The following ZNF655 variants were observed in gnomAD, a reference collection of about 807,000 sequenced individuals.
ZNF655 encodes zinc finger protein 655.
In ZNF655, 3 loss-of-function variants were observed where a neutral mutation model predicts 6.6. The observed-to-expected ratio is 0.46, with a 90% CI of 0.21 to 1.18. ZNF655 has a LOEUF of 1.18. Among genes scored for constraint, ZNF655 ranks in the 50% most tolerant of loss-of-function variants. The pLI is 0.24. For synonymous variants in ZNF655, 178 were observed against 195.0 expected (o/e 0.91, Z 0.73); for missense variants, 526 against 572.3 (o/e 0.92, Z 0.83).
chr7:99,567,255 C>G (rs530029841), intron 2 of ZNF655, among the ~76,000 whole-genome samples: 1 of 152,278 alleles, frequency 6.6e-6, no homozygotes, highest in Non-Finnish European at 1.5e-5. Flanking sequence ...TAGAGTCGGC[C>G]AGGTGCTGTG....
rs750314889 is a variant in ZNF655, at chr7:99,573,607, T to C, written c.*23T>C. ...TGAATGTAATGAAGATGGGAAGATATTTATCAAATTCAGGCTTCATTCAGC... is the reference window on the plus strand; with the variant it reads ...TGAATGTAATGAAGATGGGAAGATACTTATCAAATTCAGGCTTCATTCAGC... On this transcript the variant is annotated 3_prime_UTR_variant, in exon 3 of 3. Transcript: ENST00000252713. The C allele has an allele frequency of 1.5e-5, 23 of 1,581,232 alleles. No homozygotes were observed. The highest frequency in any genetic ancestry group is 1.0e-4 in the Admixed American group (6 of 57,788).
intron 2 of ZNF655, chr7:99,564,761 C>G: frequency 2.1e-6 from 2 of 964,810 alleles, no homozygotes; most frequent in Non-Finnish European, 2.5e-6. Flanking sequence ...AGTCTAATAG[C>G]ATAGTATGCT....
chr7:99,571,552 C>T, intron 2 of ZNF655: 2 of 985,924 alleles, frequency 2.0e-6, no homozygotes, highest in Non-Finnish European at 2.9e-6. Context: ...TTGCCCTCTT[C>T]ACTCTCCAGA....
At chr7:99,561,807 C>A in intron 2 of ZNF655, 1 of 838,236 alleles carries the variant, frequency 1.2e-6, no homozygotes, top group South Asian at 2.8e-5. Context: ...TGCTGACACC[C>A]CTTGGGCTGG....
intron 2 of ZNF655, among the ~76,000 whole-genome samples, chr7:99,564,879 A>G (rs1273196774): frequency 6.6e-6 from 1 of 152,220 alleles, no homozygotes; most frequent in Non-Finnish European, 1.5e-5. Context: ...GCACAGTGCA[A>G]GAAAGCCTTC....
chr7:99,567,060 C>T (rs1204433270), intron 2 of ZNF655, among the ~76,000 whole-genome samples: 1 of 152,216 alleles, frequency 6.6e-6, no homozygotes, highest in Admixed American at 6.5e-5. Flanking sequence ...GCTGGGACTA[C>T]AGGCATGCAC....
rs1804175362 is a variant in ZNF655 at position 99,572,685 on chromosome 7, T to C, written c.577T>C (p.Leu193=). 1 of 1,613,484 alleles carries C rather than the reference T, an allele frequency of 6.2e-7. No individual in the cohort carries two copies. Among genetic ancestry groups the C allele is most frequent in the Admixed American group, 1.7e-5 (1 of 59,990 alleles). ...TCAGAGTAGTGAATGTAAGGAAAGC[T>C]TAATGGATCTCTCCCACCTTAATAA... is the stretch of plus-strand genomic sequence containing the variant. The part of the protein sequence containing the change: ...DFQSSECKES[L]MDLSHLNKWE... Residue 193 remains leucine (L), a synonymous_variant, in exon 3 of 3, where the codon TTA becomes CTA. Coordinates refer to ENST00000252713, the MANE Select transcript of ZNF655 (RefSeq NM_138494.3).
At chr7:99,570,381 G>A (rs1803950539) in intron 2 of ZNF655, 1 of 152,164 alleles carries the variant, frequency 6.6e-6, no homozygotes, top group Admixed American at 6.5e-5. Flanking sequence ...CAGGATTTCA[G>A]AAACACAGTA....
chr7:99,563,091 C>T (rs574014807), intron 2 of ZNF655: 83 of 403,624 alleles, frequency 2.1e-4, no homozygotes, highest in African/African-American at 1.5e-3. Context: ...GGTAATCCCA[C>T]GTAACCACAC....
At chr7:99,562,034 C>T (rs1803225469) in intron 2 of ZNF655, 2 of 1,381,572 alleles carry the variant, frequency 1.4e-6, no homozygotes, top group Non-Finnish European at 9.7e-7. Context: ...AGTGTGGCCT[C>T]TCTCTCATCC....
At chr7:99,559,208 C>G (rs1156711817) in intron 1 of ZNF655, among the ~76,000 whole-genome samples, 1 of 152,170 alleles carries the variant, frequency 6.6e-6, no homozygotes, top group East Asian at 1.9e-4. Flanking sequence ...CAAACCTGTT[C>G]GAACCGCAGC....
intron 2 of ZNF655, chr7:99,571,211 AT>A (rs1804044115): frequency 1.6e-6 from 2 of 1,283,174 alleles, no homozygotes; most frequent in Non-Finnish European, 2.0e-6. Flanking sequence ...GTTTCTTGAG[AT>A]TGGTCCTTAG....
chr7:99,570,034 A>AT (rs936257690), intron 2 of ZNF655, among the ~76,000 whole-genome samples: 3 of 152,060 alleles, frequency 2.0e-5, no homozygotes, highest in African/African-American at 7.2e-5. Flanking sequence ...TCTGCTGGGC[A>AT]TTTTCTCTTA....
chr7:99,568,024 A>C (rs892982232), intron 2 of ZNF655, among the ~76,000 whole-genome samples: 2 of 140,090 alleles, frequency 1.4e-5, no homozygotes, highest in Non-Finnish European at 3.0e-5. Context: ...ATGCCATTGC[A>C]CTCCAGCCTG....
intron 2 of ZNF655, among the ~76,000 whole-genome samples, chr7:99,568,411 C>T (rs557344925): frequency 2.0e-4 from 31 of 151,570 alleles, no homozygotes; most frequent in Non-Finnish European, 3.1e-4. Context: ...CCATCACGCC[C>T]GGCTAATTTT....
At chr7:99,560,102 T>G (rs77657722) in intron 1 of ZNF655, among the ~76,000 whole-genome samples, 46 of 151,174 alleles carry the variant, frequency 3.0e-4, no homozygotes, top group African/African-American at 8.5e-4. Flanking sequence ...TTTTTTTTTT[T>G]GGGACGGAGT....
chr7:99,560,447 G>A (rs1231239500), intron 1 of ZNF655, 86 bp from the exon 2 acceptor site: 3 of 1,338,216 alleles, frequency 2.2e-6, no homozygotes, highest in Admixed American at 2.4e-5. Context: ...TCCATAGTGT[G>A]TAAGATCCTT....
At chr7:99,560,411 C>G in intron 1 of ZNF655, 122 bp from the exon 2 acceptor site, 2 of 1,013,494 alleles carry the variant, frequency 2.0e-6, no homozygotes, top group Non-Finnish European at 2.7e-6. Flanking sequence ...GGTGGTTAAT[C>G]ATTATCAACT....
chr7:99,561,116 G>A (rs1241658153), intron 2 of ZNF655, among the ~76,000 whole-genome samples: 1 of 152,158 alleles, frequency 6.6e-6, no homozygotes, highest in East Asian at 1.9e-4. Flanking sequence ...CATCCATTCT[G>A]TTGTAACTGC....
Sources: gnomAD v4.1 joint callset for allele counts (sites outside exome capture counted in the v4.1 genomes callset) on GRCh38, gnomAD v4.1.1 for gene constraint, MANE v1.5 for transcripts, NCBI Gene and HGNC (gene_info 2026-07-23, HGNC 2026-07-21) for gene names.